The following CAB39L variants were observed in gnomAD, a reference collection of about 807,000 sequenced individuals.
CAB39L encodes calcium-binding protein 39-like.
Under a neutral mutation model 39.1 loss-of-function variants are expected in CAB39L, and 23 were observed. The observed-to-expected ratio is 0.59, with a 90% CI of 0.42 to 0.83. The LOEUF is 0.83. CAB39L is among the 40% of genes least tolerant of loss of function. The pLI is 0.00. For missense variants in CAB39L, 366 were observed against 391.9 expected (o/e 0.93, Z 0.56); for synonymous variants, 126 against 137.2 (o/e 0.92, Z 0.57).
intron 5 of CAB39L, among the ~76,000 whole-genome samples, chr13:49,373,775 T>TC (rs11368581): frequency 0.53 from 81,235 of 151,994 alleles, 22,994 homozygotes; most frequent in African/African-American, 0.7. Context: ...GAAGTGGCTG[T>TC]CCCAGTGCAA....
chr13:49,377,816 C>T (rs1407124759), intron 4 of CAB39L, among the ~76,000 whole-genome samples: 2 of 95,846 alleles, frequency 2.1e-5, no homozygotes, highest in Non-Finnish European at 4.2e-5. Flanking sequence ...GCCGCCACCC[C>T]GTCTGGGATG....
chr13:49,440,614 A>C (rs1167156797), intron 1 of CAB39L, among the ~76,000 whole-genome samples: 2 of 151,254 alleles, frequency 1.3e-5, no homozygotes, highest in Non-Finnish European at 2.9e-5. Context: ...ATGAGCATGG[A>C]GTGTTTTTCC....
Position 49,382,262 on chromosome 13 carries a change from T to C in CAB39L, c.111+538A>G, listed in dbSNP as rs376486344. ...GAATAAGCTATTTCTACACCCCTTG[T>C]AGAATTCAATATTGTATCATTTACT... On this transcript the variant is annotated intron_variant, in intron 4 of 10. Coordinates refer to ENST00000409308, the MANE Select transcript of CAB39L (RefSeq NM_001079670.3). 3.2e-4 allele frequency among the ~76,000 whole-genome samples: 48 copies of C among 152,286 alleles called. No individual in the cohort carries two copies. The South Asian group carries it at 5.8e-3, about 18-fold the overall frequency.
At chr13:49,321,177 C>A (rs1954327568) in intron 10 of CAB39L, among the ~76,000 whole-genome samples, 1 of 152,198 alleles carries the variant, frequency 6.6e-6, no homozygotes, top group Admixed American at 6.5e-5. Context: ...CCAGAGATAA[C>A]CCCTGTGAAT....
intron 5 of CAB39L, 39 bp downstream of exon 5, chr13:49,376,928 T>C (rs747717070): frequency 1.8e-5 from 28 of 1,522,800 alleles, no homozygotes; most frequent in Admixed American, 1.1e-4. Context: ...GATATTAAAA[T>C]TGAAAAGCAC....
chr13:49,310,484 T>A lies in CAB39L; in HGVS notation c.*330A>T, dbSNP rs1953952977. On this transcript the variant is annotated 3_prime_UTR_variant, in exon 11 of 11. Coordinates refer to ENST00000409308, the MANE Select transcript of CAB39L (RefSeq NM_001079670.3). Reference sequence around the variant, plus strand: ...TCTCCCCTGAGAACTCAGTCCTCCTTGAAGACTTGGTGATGCCTGTCAATT... The same window carrying A: ...TCTCCCCTGAGAACTCAGTCCTCCTAGAAGACTTGGTGATGCCTGTCAATT... 4.7e-6 allele frequency: 1 copy of A among 212,398 alleles called. No individual in the cohort carries two copies. Among genetic ancestry groups the A allele is most frequent in the Admixed American group, 5.3e-5 (1 of 19,010 alleles). The allele number at this position is 212,398 out of a possible 1,614,324, so 13.2% of individuals were successfully genotyped here.
At chr13:49,352,298 G>T (rs1234243079) in intron 6 of CAB39L, among the ~76,000 whole-genome samples, 1 of 151,970 alleles carries the variant, frequency 6.6e-6, no homozygotes, top group Non-Finnish European at 1.5e-5. Flanking sequence ...TCCAGTGTGT[G>T]ATAAGATTTC....
At chr13:49,338,659 G>T (rs978084452) in intron 9 of CAB39L, among the ~76,000 whole-genome samples, 1 of 150,240 alleles carries the variant, frequency 6.7e-6, no homozygotes, top group Non-Finnish European at 1.5e-5. Context: ...AATAATAAAA[G>T]AAAAAAAAAC....
intron 5 of CAB39L, among the ~76,000 whole-genome samples, chr13:49,373,347 G>A (rs1447172197): frequency 1.3e-5 from 2 of 152,108 alleles, no homozygotes; most frequent in African/African-American, 2.4e-5. Flanking sequence ...AGCCAATCAA[G>A]GTATCTTCTA....
intron 7 of CAB39L, among the ~76,000 whole-genome samples, chr13:49,346,120 T>TATATATATATA (rs10663110): frequency 2.3e-5 from 2 of 88,480 alleles, no homozygotes; most frequent in African/African-American, 4.5e-5. Flanking sequence ...TATATATATA[T>TATATATATATA]ATATCATGGA....
At chr13:49,415,878 T>G (rs1022633875) in intron 3 of CAB39L, among the ~76,000 whole-genome samples, 1 of 152,244 alleles carries the variant, frequency 6.6e-6, no homozygotes, top group African/African-American at 2.4e-5. Flanking sequence ...TCCTGTTTTC[T>G]ACTATGCCTT....
At chr13:49,337,322 A>G (rs964424454) in intron 9 of CAB39L, among the ~76,000 whole-genome samples, 2 of 152,244 alleles carry the variant, frequency 1.3e-5, no homozygotes, top group Non-Finnish European at 2.9e-5. Flanking sequence ...GGACCATCAT[A>G]TGAGTTGCTG....
intron 4 of CAB39L, among the ~76,000 whole-genome samples, chr13:49,378,768 G>T (rs1956176534): frequency 1.5e-4 from 8 of 51,896 alleles, no homozygotes; most frequent in Admixed American, 9.6e-4. Context: ...GAGGTGGGGG[G>T]GGTCAGCCCC....
intron 10 of CAB39L, among the ~76,000 whole-genome samples, chr13:49,327,391 C>T (rs141876737): frequency 8.9e-4 from 135 of 152,088 alleles, no homozygotes; most frequent in African/African-American, 2.7e-3. Flanking sequence ...GCAACCTCTG[C>T]TTCCCAGGTT....
At chr13:49,380,090 C>T (rs1319221742) in intron 4 of CAB39L, among the ~76,000 whole-genome samples, 1 of 152,194 alleles carries the variant, frequency 6.6e-6, no homozygotes, top group Non-Finnish European at 1.5e-5. Flanking sequence ...TCGCCCACCT[C>T]AGCCTCCCAA....
At chr13:49,394,091 A>G (rs1956550069) in intron 3 of CAB39L, among the ~76,000 whole-genome samples, 1 of 151,966 alleles carries the variant, frequency 6.6e-6, no homozygotes, top group Non-Finnish European at 1.5e-5. Context: ...AAACACAAAA[A>G]TTTGAATTTC....
At chr13:49,314,665 A>G (rs1305455956) in intron 10 of CAB39L, among the ~76,000 whole-genome samples, 6 of 152,210 alleles carry the variant, frequency 3.9e-5, no homozygotes, top group Non-Finnish European at 8.8e-5. Context: ...ACCACATAGT[A>G]GTATGGTTAA....
At chr13:49,434,972 T>G (rs1957386165) in intron 1 of CAB39L, among the ~76,000 whole-genome samples, 1 of 152,226 alleles carries the variant, frequency 6.6e-6, no homozygotes, top group Non-Finnish European at 1.5e-5. Flanking sequence ...TAGACATACA[T>G]GATGATTTAG....
intron 5 of CAB39L, among the ~76,000 whole-genome samples, chr13:49,365,802 C>G (rs1955754493): frequency 6.6e-6 from 1 of 152,106 alleles, no homozygotes; most frequent in Non-Finnish European, 1.5e-5. Context: ...TAGGTATATG[C>G]CCAAAAGAAA....
Sources: allele counts gnomAD v4.1 joint callset (sites outside exome capture counted in the v4.1 genomes callset), GRCh38; gene constraint gnomAD v4.1.1; transcripts MANE v1.5; gene names NCBI Gene and HGNC (gene_info 2026-07-23, HGNC 2026-07-21).